GABRA3: variants seen among roughly 807,000 people sequenced by gnomAD.
The protein encoded by GABRA3 is gamma-aminobutyric acid receptor subunit alpha-3.
GABRA3 carries 10 observed loss-of-function variants against 30.1 expected under a neutral mutation model. The observed-to-expected ratio is 0.33, with a 90% CI of 0.20 to 0.56. The LOEUF is 0.56. Ranked by LOEUF, GABRA3 falls within the 20% of genes least tolerant of loss-of-function variation. The pLI, the probability that GABRA3 is intolerant of heterozygous loss-of-function variation, is 0.89. For missense variants in GABRA3, 233 were observed against 392.0 expected, an observed-to-expected ratio of 0.59 and a Z score of 3.42; for synonymous variants, 151 against 146.8, an observed-to-expected ratio of 1.03 and a Z score of -0.21.
At chrX:152,299,416 C>T (rs1479361333) in intron 3 of GABRA3, among the ~76,000 whole-genome samples, 1 of 108,939 alleles carries the variant, frequency 9.2e-6, no homozygotes, top group Non-Finnish European at 1.9e-5. Context: ...GGGGCTGCAG[C>T]CCTGGGTTGG....
At chrX:152,350,243 G>A (rs1357435036) in intron 2 of GABRA3, among the ~76,000 whole-genome samples, 1 of 100,003 alleles carries the variant, frequency 1.0e-5, no homozygotes, top group Non-Finnish European at 2.0e-5. Flanking sequence ...AAATAAAGAT[G>A]TTCTTTGAAA....
intron 5 of GABRA3, among the ~76,000 whole-genome samples, chrX:152,235,904 T>A (rs1039750040): frequency 9.3e-6 from 1 of 106,964 alleles, no homozygotes; most frequent in African/African-American, 3.4e-5. Context: ...GTGAAAGCAA[T>A]CTTAAGCAAA....
intron 9 of GABRA3, among the ~76,000 whole-genome samples, chrX:152,174,334 T>C (rs1443695722): frequency 2.7e-5 from 3 of 111,859 alleles, no homozygotes; most frequent in Non-Finnish European, 5.6e-5. Context: ...TCAAATGGTA[T>C]TTCTAGTTCT....
At chrX:152,200,973 C>T (rs1049798211) in intron 7 of GABRA3, among the ~76,000 whole-genome samples, 1 of 111,796 alleles carries the variant, frequency 8.9e-6, no homozygotes, top group African/African-American at 3.3e-5. Context: ...ACCTAGGTTG[C>T]GAAGATTTCC....
chrX:152,174,296 G>A lies in GABRA3; in HGVS notation c.1144-5733C>T, dbSNP rs961988622. ...AGCAGCATGATTTATAGTCCTTTGC[G>A]TATATACCCAGTAATGGGATGGCTG... On this transcript the variant is annotated intron_variant, in intron 9 of 9. Coordinates refer to ENST00000370314, the MANE Select transcript of GABRA3 (RefSeq NM_000808.4). Among the ~76,000 whole-genome samples the A allele has an allele frequency of 2.1e-4, 23 of 111,554 alleles. No homozygotes were observed. In the East Asian group the frequency reaches 3.4e-3, roughly 16 times the overall value.
chrX:152,306,391 C>T (rs1236913550), intron 3 of GABRA3, among the ~76,000 whole-genome samples: 1 of 112,205 alleles, frequency 8.9e-6, no homozygotes, highest in Non-Finnish European at 1.9e-5. Flanking sequence ...TAAGAATGTC[C>T]ATTTAGTGTT....
chrX:152,434,765 A>T (rs909147679), intron 1 of GABRA3, among the ~76,000 whole-genome samples: 5 of 112,080 alleles, frequency 4.5e-5, no homozygotes, highest in Non-Finnish European at 9.4e-5. Flanking sequence ...AATTCACCAT[A>T]GCAATAGACT....
At chrX:152,364,314 G>A in intron 2 of GABRA3, 117 bp downstream of exon 2, 1 of 642,694 alleles carries the variant, frequency 1.6e-6, no homozygotes, top group Admixed American at 3.2e-5. Flanking sequence ...ATAATGTAAT[G>A]TATAAGTATC....
At chrX:152,366,355 T>G (rs1232755391) in intron 1 of GABRA3, among the ~76,000 whole-genome samples, 2 of 112,007 alleles carry the variant, frequency 1.8e-5, no homozygotes, top group Non-Finnish European at 3.8e-5. Context: ...ATAGCCATGA[T>G]GCATGCTTAG....
chrX:152,197,570 C>G (rs1275379095), intron 8 of GABRA3, 63 bp downstream of exon 8: 19 of 1,040,870 alleles, frequency 1.8e-5, no homozygotes, highest in Non-Finnish European at 2.5e-5. Context: ...TTCCACCTTT[C>G]TCACCTCCAC....
At chrX:152,197,930 A>G (rs142769930) in intron 7 of GABRA3, 145 bp from the exon 8 acceptor site, 163 of 411,832 alleles carry the variant, frequency 4.0e-4, no homozygotes, top group African/African-American at 3.7e-3. Context: ...GCCCTTTAAT[A>G]ATCACAAAAT....
rs1037879513 is a variant in GABRA3, at chrX:152,329,656, G to C, written c.262+15925C>G. Among the ~76,000 whole-genome samples the C allele has an allele frequency of 3.6e-5, 4 of 111,980 alleles. No homozygotes were observed. The Admixed American group carries it at 3.8e-4, about 11-fold the overall frequency. ...ACTGGCTAGCAATAAGTAGAAAGCT[G>C]AAACTGGATCCCTTTCTTACACCTT... On this transcript the variant is annotated intron_variant, in intron 3 of 9. Coordinates refer to ENST00000370314, the MANE Select transcript of GABRA3 (RefSeq NM_000808.4).
chrX:152,216,776 T>C (rs1415682496), intron 6 of GABRA3, among the ~76,000 whole-genome samples: 1 of 109,747 alleles, frequency 9.1e-6, no homozygotes, highest in Non-Finnish European at 1.9e-5. Flanking sequence ...TTTAAAATAT[T>C]GTATGATATA....
At chrX:152,406,968 A>T (rs1165258529) in intron 1 of GABRA3, among the ~76,000 whole-genome samples, 1 of 112,323 alleles carries the variant, frequency 8.9e-6, no homozygotes, top group Non-Finnish European at 1.9e-5. Context: ...ATACAAACAC[A>T]TGAAAATTAA....
intron 1 of GABRA3, among the ~76,000 whole-genome samples, chrX:152,418,235 A>T (rs936391966): frequency 9.0e-6 from 1 of 111,110 alleles, no homozygotes; most frequent in African/African-American, 3.3e-5. Flanking sequence ...CAAGAATTGC[A>T]TTTTTTGAAA....
At chrX:152,369,831 T>C (rs1928785500) in intron 1 of GABRA3, among the ~76,000 whole-genome samples, 1 of 111,439 alleles carries the variant, frequency 9.0e-6, no homozygotes, top group Admixed American at 9.6e-5. Flanking sequence ...GCCCAATGCA[T>C]AGAAGAATAT....
intron 1 of GABRA3, among the ~76,000 whole-genome samples, chrX:152,365,466 G>A (rs1182534314): frequency 1.8e-5 from 2 of 111,164 alleles, no homozygotes; most frequent in Non-Finnish European, 3.8e-5. Flanking sequence ...TGGATCAGTG[G>A]AGATTTACCC....
At chrX:152,214,422 T>C (rs772911398) in intron 6 of GABRA3, among the ~76,000 whole-genome samples, 3 of 111,539 alleles carry the variant, frequency 2.7e-5, no homozygotes, top group Non-Finnish European at 5.7e-5. Context: ...TCTTTTTATG[T>C]TCCATTGTTC....
Position 152,270,336 on chromosome X carries a change from C to T in GABRA3, c.330+14332G>A, listed in dbSNP as rs7889640. Among the ~76,000 whole-genome samples the T allele has an allele frequency of 5.6e-4, 63 of 111,659 alleles. 1 individual carries two copies. In the East Asian group the frequency reaches 0.012, roughly 21 times the overall value. ...TGCTTCCCCATCTGCCATTACTGTACGTTTCCTGAGGCCTCCCCAGCCATG... is the reference window on the plus strand; with the variant it reads ...TGCTTCCCCATCTGCCATTACTGTATGTTTCCTGAGGCCTCCCCAGCCATG... On this transcript the variant is annotated intron_variant, in intron 4 of 9. Coordinates refer to ENST00000370314, the MANE Select transcript of GABRA3 (RefSeq NM_000808.4).
Sources: gnomAD v4.1 joint callset for allele counts (sites outside exome capture counted in the v4.1 genomes callset) on GRCh38, gnomAD v4.1.1 for gene constraint, MANE v1.5 for transcripts, NCBI Gene and HGNC (gene_info 2026-07-23, HGNC 2026-07-21) for gene names.